The following DPP10 variants were observed in gnomAD, a reference collection of about 807,000 sequenced individuals.
The protein encoded by DPP10 is inactive dipeptidyl peptidase 10.
In DPP10, 33 loss-of-function variants were observed where a neutral mutation model predicts 120.9. The observed-to-expected ratio is 0.27, with a 90% CI of 0.21 to 0.37. DPP10 has a LOEUF of 0.37. DPP10 is among the 10% of genes least tolerant of loss of function. DPP10 has a pLI of 1.00. For missense variants in DPP10, 816 were observed against 942.8 expected, an observed-to-expected ratio of 0.87 and a Z score of 1.76; for synonymous variants, 337 against 326.1, an observed-to-expected ratio of 1.03 and a Z score of -0.36.
intron 4 of DPP10, among the ~76,000 whole-genome samples, chr2:115,514,781 G>A (rs1308630247): frequency 2.6e-5 from 4 of 151,744 alleles, no homozygotes; most frequent in Non-Finnish European, 4.4e-5. Flanking sequence ...ATTTCTGTTA[G>A]ATAGAACTGT....
At chr2:114,683,607 G>C (rs541732752) in intron 1 of DPP10, among the ~76,000 whole-genome samples, 1 of 120,118 alleles carries the variant, frequency 8.3e-6, no homozygotes, top group African/African-American at 3.1e-5. Context: ...TTTCTTTCTT[G>C]CTTGCTTGCT....
intron 21 of DPP10, among the ~76,000 whole-genome samples, chr2:115,827,202 GT>G (rs900301441): frequency 6.6e-6 from 1 of 151,098 alleles, no homozygotes; most frequent in Non-Finnish European, 1.5e-5. Flanking sequence ...ACTAATTAAA[GT>G]TGTCCTCCTG....
intron 1 of DPP10, among the ~76,000 whole-genome samples, chr2:114,928,843 G>C (rs536452621): frequency 7.2e-5 from 11 of 152,250 alleles, no homozygotes; most frequent in African/African-American, 2.6e-4. Flanking sequence ...TGCTTCCAAG[G>C]CTTCCTGCTT....
chr2:115,456,367 G>A (rs555319483), intron 3 of DPP10, among the ~76,000 whole-genome samples: 1 of 152,190 alleles, frequency 6.6e-6, no homozygotes, highest in African/African-American at 2.4e-5. Context: ...TGGTGGGACT[G>A]TAAATTAGTT....
chr2:115,597,485 G>A (rs1000104415), intron 5 of DPP10, among the ~76,000 whole-genome samples: 5 of 150,992 alleles, frequency 3.3e-5, no homozygotes, highest in East Asian at 1.9e-4. Flanking sequence ...AAAATATTCC[G>A]CAAAACAGGA....
chr2:114,869,337 G>A (rs528765398), intron 1 of DPP10, among the ~76,000 whole-genome samples: 12 of 152,144 alleles, frequency 7.9e-5, no homozygotes, highest in African/African-American at 2.6e-4. Context: ...GTTGTTTATT[G>A]TGCACTGGCT....
chr2:115,216,950 T>G (rs2056868831), intron 1 of DPP10, among the ~76,000 whole-genome samples: 2 of 151,954 alleles, frequency 1.3e-5, no homozygotes, highest in Admixed American at 1.3e-4. Context: ...TAACTTAACA[T>G]CAAAAGTATA....
chr2:115,235,524 A>C (rs2105518953), intron 1 of DPP10, among the ~76,000 whole-genome samples: 1 of 152,252 alleles, frequency 6.6e-6, no homozygotes, highest in South Asian at 2.1e-4. Context: ...TCTCCAATTT[A>C]TCTTAAAGTT....
chr2:114,534,174 T>C (rs1686290456), intron 1 of DPP10, among the ~76,000 whole-genome samples: 1 of 152,204 alleles, frequency 6.6e-6, no homozygotes, highest in African/African-American at 2.4e-5. Flanking sequence ...TTATGTGTTA[T>C]TCTCTTTTTG....
At chr2:115,461,019 A>T (rs191532676) in intron 3 of DPP10, among the ~76,000 whole-genome samples, 1 of 152,300 alleles carries the variant, frequency 6.6e-6, no homozygotes, top group East Asian at 1.9e-4. Flanking sequence ...CCTCAAAGAT[A>T]AAAATAAATT....
intron 2 of DPP10, among the ~76,000 whole-genome samples, chr2:115,323,385 A>G (rs2062167537): frequency 6.6e-6 from 1 of 152,114 alleles, no homozygotes; most frequent in Admixed American, 6.6e-5. Flanking sequence ...TGCCCCTACC[A>G]CATCTGCAGT....
At chr2:114,985,390 A>G (rs1188568943) in intron 1 of DPP10, among the ~76,000 whole-genome samples, 2 of 152,186 alleles carry the variant, frequency 1.3e-5, no homozygotes, top group African/African-American at 4.8e-5. Flanking sequence ...TTTTCTTCAC[A>G]GCAGTTGCCA....
chr2:115,685,207 C>G (rs2090919016), intron 5 of DPP10, among the ~76,000 whole-genome samples: 2 of 151,834 alleles, frequency 1.3e-5, no homozygotes, highest in South Asian at 4.1e-4. Flanking sequence ...TATGCAGAAT[C>G]TGGTATGTAG....
At chr2:115,813,060 C>A (rs1378505505) in intron 19 of DPP10, among the ~76,000 whole-genome samples, 1 of 141,576 alleles carries the variant, frequency 7.1e-6, no homozygotes, top group East Asian at 2.0e-4. Flanking sequence ...CGGCTCACTG[C>A]AAGCTCCGCT....
At chr2:115,756,455 A>G (rs1679415367) in intron 11 of DPP10, among the ~76,000 whole-genome samples, 1 of 152,136 alleles carries the variant, frequency 6.6e-6, no homozygotes, top group Non-Finnish European at 1.5e-5. Context: ...ATAAATATAT[A>G]CAGTAATTAC....
At chr2:115,300,695 A>C (rs188304854) in intron 1 of DPP10, among the ~76,000 whole-genome samples, 1 of 152,102 alleles carries the variant, frequency 6.6e-6, no homozygotes, top group East Asian at 1.9e-4. Flanking sequence ...TTTTGGGGTC[A>C]TTTTAAATAC....
At chr2:114,972,484 C>T (rs1699462484) in intron 1 of DPP10, among the ~76,000 whole-genome samples, 1 of 152,168 alleles carries the variant, frequency 6.6e-6, no homozygotes, top group East Asian at 1.9e-4. Flanking sequence ...TCCTACTCAA[C>T]CCACCCTTAT....
chr2:115,800,506 T>C (rs1685083190), intron 19 of DPP10, among the ~76,000 whole-genome samples: 1 of 152,328 alleles, frequency 6.6e-6, no homozygotes, highest in African/African-American at 2.4e-5. Flanking sequence ...ATGAAGTCCT[T>C]GCCCATGCCT....
intron 1 of DPP10, among the ~76,000 whole-genome samples, chr2:114,573,459 A>T (rs1388467230): frequency 2.0e-5 from 3 of 152,228 alleles, no homozygotes; most frequent in African/African-American, 7.2e-5. Flanking sequence ...TCCTGAAAAA[A>T]ACACCTGGGC....
Sources: allele counts gnomAD v4.1 joint callset (sites outside exome capture counted in the v4.1 genomes callset), GRCh38; gene constraint gnomAD v4.1.1; transcripts MANE v1.5; gene names NCBI Gene and HGNC (gene_info 2026-07-23, HGNC 2026-07-21).